TNRC6A: variants seen among roughly 807,000 people sequenced by gnomAD.
TNRC6A encodes trinucleotide repeat containing adaptor 6A, also known as trinucleotide repeat-containing gene 6A protein.
In TNRC6A, 44 loss-of-function variants were observed where a neutral mutation model predicts 221.2. The ratio of observed to expected loss-of-function variants is 0.20; its 90% CI spans 0.16 to 0.26. The LOEUF (loss-of-function observed/expected upper bound fraction) is 0.26, where lower values mean the gene tolerates loss of function less well. Ranked by LOEUF, TNRC6A falls within the 10% of genes least tolerant of loss-of-function variation. The pLI is 1.00. For synonymous variants in TNRC6A, 847 were observed against 838.5 expected (o/e 1.01, Z -0.18); for missense variants, 2,199 against 2,404.4 (o/e 0.91, Z 1.79).
At position 24,804,225 on chromosome 16, in the gene TNRC6A, T is replaced by C; in HGVS notation, c.3743T>C (p.Ile1248Thr). The C allele has an allele frequency of 6.2e-7, 1 of 1,613,534 alleles. No homozygotes were observed. Among genetic ancestry groups the C allele is most frequent in the Non-Finnish European group, 8.5e-7 (1 of 1,179,874 alleles). ...RMEIDKHSLN[I>T]GDYNRTVGKG... Reference sequence around the variant, plus strand: ...GAGATAGATAAACATAGCCTAAATATTGGTGATTACAATCGAACGGTCGGG... The same window carrying C: ...GAGATAGATAAACATAGCCTAAATACTGGTGATTACAATCGAACGGTCGGG... Residue 1248 changes from isoleucine (I) to threonine (T), a missense_variant, in exon 12 of 25, where the codon ATT becomes ACT. This residue lies in a region of TNRC6A where 158 missense variants were observed against 159.1 expected (regional missense o/e 0.99). Coordinates refer to ENST00000395799, the MANE Select transcript of TNRC6A (RefSeq NM_014494.4).
At chr16:24,717,219 G>C (rs1567383609) in intron 2 of TNRC6A, among the ~76,000 whole-genome samples, 1 of 152,034 alleles carries the variant, frequency 6.6e-6, no homozygotes, top group Non-Finnish European at 1.5e-5. Flanking sequence ...CAAGTAGCTA[G>C]GACTACAGGC....
intron 1 of TNRC6A, among the ~76,000 whole-genome samples, chr16:24,632,289 A>G (rs920856590): frequency 3.3e-5 from 5 of 152,138 alleles, no homozygotes; most frequent in Admixed American, 2.0e-4. Context: ...TACAGGTCCA[A>G]ACCAGAATTC....
intron 1 of TNRC6A, among the ~76,000 whole-genome samples, chr16:24,620,511 G>A (rs1400068009): frequency 6.6e-6 from 1 of 152,142 alleles, no homozygotes; most frequent in African/African-American, 2.4e-5. Flanking sequence ...GGCTCAGGCT[G>A]GGTGTTCTGG....
chr16:24,723,094 T>C (rs2056438971), intron 2 of TNRC6A, among the ~76,000 whole-genome samples: 1 of 152,186 alleles, frequency 6.6e-6, no homozygotes, highest in African/African-American at 2.4e-5. Context: ...AGATATTACG[T>C]GGGCCCATTA....
At chr16:24,716,542 G>A (rs2056316058) in intron 2 of TNRC6A, among the ~76,000 whole-genome samples, 4 of 151,990 alleles carry the variant, frequency 2.6e-5, no homozygotes, top group South Asian at 2.1e-4. Context: ...GATGGTGCAC[G>A]CCTGTAGTCC....
intron 2 of TNRC6A, among the ~76,000 whole-genome samples, chr16:24,686,256 C>A (rs1416473040): frequency 6.6e-6 from 1 of 152,154 alleles, no homozygotes. Flanking sequence ...GGCTCTGGGG[C>A]AGTTCACTTT....
chr16:24,776,352 C>G (rs2057717578), intron 4 of TNRC6A: 3 of 984,886 alleles, frequency 3.0e-6, no homozygotes, highest in Non-Finnish European at 3.6e-6. Flanking sequence ...GTCTTTAGTT[C>G]CATGTTCTGA....
chr16:24,611,245 T>C (rs1241451864), intron 1 of TNRC6A, among the ~76,000 whole-genome samples: 2 of 152,220 alleles, frequency 1.3e-5, no homozygotes, highest in African/African-American at 4.8e-5. Flanking sequence ...GGCCAGAGCC[T>C]GAAAGAACAG....
At chr16:24,683,089 C>T (rs188700424) in intron 2 of TNRC6A, among the ~76,000 whole-genome samples, 1 of 152,290 alleles carries the variant, frequency 6.6e-6, no homozygotes, top group East Asian at 1.9e-4. Flanking sequence ...AGCAAGGAGA[C>T]CCCATGACGA....
intron 3 of TNRC6A, among the ~76,000 whole-genome samples, chr16:24,756,417 C>T (rs1264507222): frequency 6.6e-6 from 1 of 152,112 alleles, no homozygotes; most frequent in Non-Finnish European, 1.5e-5. Context: ...CTCTTAGTTC[C>T]GTTTCTTCCC....
At chr16:24,713,167 C>T (rs1438643125) in intron 2 of TNRC6A, among the ~76,000 whole-genome samples, 2 of 151,920 alleles carry the variant, frequency 1.3e-5, no homozygotes, top group Non-Finnish European at 2.9e-5. Flanking sequence ...GCCTGTAGTC[C>T]CAGCACTTTG....
upstream of TNRC6A, among the ~76,000 whole-genome samples, chr16:24,727,265 A>G (rs2056508118): frequency 6.6e-6 from 1 of 152,006 alleles, no homozygotes; most frequent in Non-Finnish European, 1.5e-5. Flanking sequence ...CTGACCTCAG[A>G]TGATCTGCCC....
chr16:24,742,911 A>G (rs1408882959), intron 2 of TNRC6A, among the ~76,000 whole-genome samples: 2 of 152,228 alleles, frequency 1.3e-5, no homozygotes, highest in Non-Finnish European at 2.9e-5. Context: ...AGCCTGGGTG[A>G]CAGAGCGAGA....
At chr16:24,758,892 G>T (rs376324315) in intron 4 of TNRC6A, among the ~76,000 whole-genome samples, 6 of 151,884 alleles carry the variant, frequency 4.0e-5, no homozygotes, top group Admixed American at 2.0e-4. Flanking sequence ...AAAAGACATC[G>T]GAGTGATAAG....
chr16:24,650,118 C>T (rs966927120), intron 2 of TNRC6A, among the ~76,000 whole-genome samples: 8 of 151,064 alleles, frequency 5.3e-5, no homozygotes, highest in African/African-American at 1.7e-4. Flanking sequence ...GCCACCACAC[C>T]CAGCCTCCAG....
intron 4 of TNRC6A, among the ~76,000 whole-genome samples, chr16:24,775,521 G>GC (rs1420445874): frequency 6.6e-6 from 1 of 152,228 alleles, no homozygotes; most frequent in Non-Finnish European, 1.5e-5. Flanking sequence ...GGAGGCTAGA[G>GC]CTGAGAGTGT....
intron 2 of TNRC6A, among the ~76,000 whole-genome samples, chr16:24,689,047 C>A (rs934193778): frequency 8.5e-5 from 13 of 152,132 alleles, no homozygotes; most frequent in Non-Finnish European, 5.9e-5. Flanking sequence ...GCCTGTGCAA[C>A]AGAGCCAAGG....
At chr16:24,820,841 A>G (rs1269784870) in intron 22 of TNRC6A, among the ~76,000 whole-genome samples, 1 of 152,176 alleles carries the variant, frequency 6.6e-6, no homozygotes, top group Non-Finnish European at 1.5e-5. Flanking sequence ...TCATTCTATA[A>G]TGACTAACAT....
At chr16:24,696,272 C>G (rs936415514) in intron 2 of TNRC6A, among the ~76,000 whole-genome samples, 5 of 149,748 alleles carry the variant, frequency 3.3e-5, no homozygotes, top group Non-Finnish European at 5.9e-5. Flanking sequence ...GGCATGGACC[C>G]AGGAGGCGGA....
Sources: allele counts gnomAD v4.1 joint callset (sites outside exome capture counted in the v4.1 genomes callset), GRCh38; gene constraint gnomAD v4.1.1; regional missense constraint gnomAD v4.1.1; transcripts MANE v1.5; gene names NCBI Gene and HGNC (gene_info 2026-07-23, HGNC 2026-07-21).